Variants in SAMSN1 observed in about 807,000 individuals in gnomAD.
SAMSN1 encodes SAM domain, SH3 domain and nuclear localization signals 1.
A neutral mutation model predicts 42.0 loss-of-function variants in SAMSN1; 31 were observed. The ratio of observed to expected loss-of-function variants is 0.74; its 90% confidence interval spans 0.55 to 1.00. The LOEUF (loss-of-function observed/expected upper bound fraction) is 1.00. Ranked by LOEUF, SAMSN1 falls within the 50% of genes least tolerant of loss-of-function variation. The pLI is 0.00. For synonymous variants in SAMSN1, 178 were observed against 151.9 expected (o/e 1.17, Z -1.26); for missense variants, 464 against 439.4 (o/e 1.06, Z -0.50).
intron 2 of SAMSN1, among the ~76,000 whole-genome samples, chr21:14,638,018 G>A (rs1169415392): frequency 6.6e-6 from 1 of 152,146 alleles, no homozygotes; most frequent in Non-Finnish European, 1.5e-5. Flanking sequence ...GGTGGACATA[G>A]TAGACTTCCC....
intron 2 of SAMSN1, among the ~76,000 whole-genome samples, chr21:14,635,590 A>T (rs527414147): frequency 3.9e-5 from 6 of 152,292 alleles, no homozygotes; most frequent in Non-Finnish European, 7.4e-5. Context: ...ATACTTTTAG[A>T]TAAGAAGCAT....
chr21:14,488,126 C>T (rs979617337), intron 7 of SAMSN1, among the ~76,000 whole-genome samples: 1 of 152,022 alleles, frequency 6.6e-6, no homozygotes, highest in South Asian at 2.1e-4. Flanking sequence ...GTTCCATTAT[C>T]CAAGTGTTTC....
At chr21:14,557,778 G>T (rs1235491678) in intron 2 of SAMSN1, among the ~76,000 whole-genome samples, 1 of 152,148 alleles carries the variant, frequency 6.6e-6, no homozygotes, top group Non-Finnish European at 1.5e-5. Context: ...TTCTTTCTCT[G>T]ATCTGGTCAC....
chr21:14,542,154 C>T lies in SAMSN1; in HGVS notation c.57+4051G>A, dbSNP rs143592225. On this transcript the variant is annotated intron_variant, in intron 1 of 7. Coordinates refer to ENST00000400566, the MANE Select transcript of SAMSN1 (RefSeq NM_022136.5). Reference sequence around the variant, plus strand: ...GAATGACGATTTCTAAACTTACAGACGCTCTTACAGACATGGTTTCCCTGA... The same window carrying T: ...GAATGACGATTTCTAAACTTACAGATGCTCTTACAGACATGGTTTCCCTGA... Among the ~76,000 whole-genome samples the T allele has an allele frequency of 7.7e-3, 1,173 of 152,320 alleles. 7 individuals carry two copies. Among genetic ancestry groups the T allele is most frequent in the Non-Finnish European group, 0.012 (805 of 68,024 alleles).
intron 1 of SAMSN1, among the ~76,000 whole-genome samples, chr21:14,542,660 T>G (rs1045611100): frequency 1.3e-5 from 2 of 152,186 alleles, no homozygotes; most frequent in Non-Finnish European, 2.9e-5. Flanking sequence ...AACAGCCAGT[T>G]GTGGTTGCTC....
At chr21:14,578,766 A>G (rs1981595221) in intron 2 of SAMSN1, among the ~76,000 whole-genome samples, 1 of 149,042 alleles carries the variant, frequency 6.7e-6, no homozygotes, top group Non-Finnish European at 1.5e-5. Context: ...GTGTCCTTGT[A>G]GATTAGATTC....
chr21:14,611,615 G>A (rs1351257809), intron 4 of SAMSN1, among the ~76,000 whole-genome samples: 1 of 152,176 alleles, frequency 6.6e-6, no homozygotes, highest in Non-Finnish European at 1.5e-5. Context: ...AAAATAAAAT[G>A]TTGCCTTGCT....
At chr21:14,490,844 G>A (rs989127884) in intron 7 of SAMSN1, among the ~76,000 whole-genome samples, 10 of 151,870 alleles carry the variant, frequency 6.6e-5, no homozygotes, top group Non-Finnish European at 1.3e-4. Flanking sequence ...AAACCTTTTC[G>A]CTTTCAGCTA....
At chr21:14,531,612 T>C (rs1231880400) in intron 1 of SAMSN1, among the ~76,000 whole-genome samples, 1 of 152,180 alleles carries the variant, frequency 6.6e-6, no homozygotes, top group East Asian at 1.9e-4. Flanking sequence ...AACAAAACTT[T>C]AGTTTCCTGA....
chr21:14,548,380 G>C (rs1229740764), upstream of SAMSN1, among the ~76,000 whole-genome samples: 1 of 152,042 alleles, frequency 6.6e-6, no homozygotes, highest in African/African-American at 2.4e-5. Flanking sequence ...CTTGCTATAG[G>C]TTACATTTCT....
chr21:14,576,727 A>T (rs1158563655), intron 2 of SAMSN1, among the ~76,000 whole-genome samples: 1 of 152,198 alleles, frequency 6.6e-6, no homozygotes, highest in Non-Finnish European at 1.5e-5. Flanking sequence ...TACTTGCCTT[A>T]GATACCTTTA....
At chr21:14,515,966 C>T (rs561877551) in intron 3 of SAMSN1, among the ~76,000 whole-genome samples, 9 of 152,244 alleles carry the variant, frequency 5.9e-5, no homozygotes, top group African/African-American at 2.2e-4. Flanking sequence ...GAGATTCCAC[C>T]TCACATCCAC....
intron 1 of SAMSN1, among the ~76,000 whole-genome samples, chr21:14,521,659 C>T (rs1255264083): frequency 6.6e-6 from 1 of 152,012 alleles, no homozygotes; most frequent in Non-Finnish European, 1.5e-5. Flanking sequence ...CTGAGTAGAT[C>T]CACCATTACG....
chr21:14,576,124 A>C (rs1196965915), intron 2 of SAMSN1, among the ~76,000 whole-genome samples: 1 of 152,198 alleles, frequency 6.6e-6, no homozygotes, highest in East Asian at 1.9e-4. Flanking sequence ...AAGGAAGATT[A>C]GGTGAATGAG....
intron 2 of SAMSN1, among the ~76,000 whole-genome samples, chr21:14,565,343 C>A (rs138514460): frequency 1.1e-4 from 16 of 150,324 alleles, no homozygotes; most frequent in African/African-American, 3.7e-4. Flanking sequence ...GCCTCCAAGA[C>A]GCAGGGAAAA....
At position 14,494,758 on chromosome 21, in the gene SAMSN1, G is replaced by T. The variant is rs564631543; in HGVS notation, c.919+3684C>A. ...GTTTACATTTTCAAGGTCAAAGTGG[G>T]TACAATGCTATCTATCTTGGGCTAA... On this transcript the variant is annotated intron_variant, in intron 7 of 7. Coordinates refer to ENST00000400566, the MANE Select transcript of SAMSN1 (RefSeq NM_022136.5). Among the ~76,000 whole-genome samples the T allele has an allele frequency of 4.6e-5, 7 of 151,958 alleles. No individual in the cohort carries two copies. The South Asian group carries it at 1.5e-3, about 32-fold the overall frequency.
rs368974574 is a variant in SAMSN1 at position 14,505,320 on chromosome 21, G to T, written c.562-4585C>A. Among the ~76,000 whole-genome samples, 22 of 152,250 alleles carry T rather than the reference G, an allele frequency of 1.4e-4. No individual in the cohort carries two copies. In the East Asian group the frequency reaches 2.7e-3, roughly 19 times the overall value. Reference sequence around the variant, plus strand: ...AGTTACAGAATTGCAGAATGGATAAGATTTCACAAACTATATGCTGCCTTC... The same window carrying T: ...AGTTACAGAATTGCAGAATGGATAATATTTCACAAACTATATGCTGCCTTC... On this transcript the variant is annotated intron_variant, in intron 5 of 7. Transcript: ENST00000400566.
chr21:14,599,196 C>T (rs1252443868), intron 6 of SAMSN1, among the ~76,000 whole-genome samples: 1 of 152,140 alleles, frequency 6.6e-6, no homozygotes, highest in African/African-American at 2.4e-5. Flanking sequence ...CACAAAAAAT[C>T]TCATCTTGAA....
At chr21:14,583,426 C>T (rs1418878495), upstream of SAMSN1, 1 of 481,622 alleles carries the variant, frequency 2.1e-6, no homozygotes, top group Non-Finnish European at 3.7e-6. Context: ...CTCACTGTGT[C>T]TCGGAGCCCG....
Sources: gnomAD v4.1 joint callset for allele counts (sites outside exome capture counted in the v4.1 genomes callset) on GRCh38, gnomAD v4.1.1 for gene constraint, MANE v1.5 for transcripts, NCBI Gene and HGNC (gene_info 2026-07-23, HGNC 2026-07-21) for gene names.